Variants in BIRC5 observed in about 807,000 individuals in gnomAD.
The protein encoded by BIRC5 is baculoviral IAP repeat containing 5, also known as baculoviral IAP repeat-containing protein 5.
A neutral mutation model predicts 15.8 loss-of-function variants in BIRC5; 8 were observed. That is an observed-to-expected ratio of 0.51 (90% CI 0.30 to 0.91). BIRC5 has a LOEUF of 0.91. Among genes scored for constraint, BIRC5 ranks in the 40% least tolerant of loss-of-function variants. The probability of loss-of-function intolerance (pLI) is 0.07; values close to 1 mark genes in which losing one functional copy is unlikely to be tolerated. For missense variants in BIRC5, 163 were observed against 178.6 expected (o/e 0.91, Z 0.50); for synonymous variants, 56 against 64.5 (o/e 0.87, Z 0.63).
chr17:78,218,799 G>C (rs1207487997), intron 3 of BIRC5, among the ~76,000 whole-genome samples: 3 of 151,944 alleles, frequency 2.0e-5, no homozygotes, highest in Non-Finnish European at 2.9e-5. Flanking sequence ...TAGAGACAAG[G>C]TTTCATCATG....
intron 3 of BIRC5, among the ~76,000 whole-genome samples, chr17:78,217,876 C>T (rs1037665409): frequency 1.3e-5 from 2 of 151,934 alleles, no homozygotes; most frequent in African/African-American, 4.8e-5. Context: ...ACTGCAGCCT[C>T]GAACTCCTGA....
rs541575224 is a variant in BIRC5, at chr17:78,215,385, C to A, written c.221+596C>A. 2.4e-3 allele frequency among the ~76,000 whole-genome samples: 367 copies of A among 151,986 alleles called. 3 individuals are homozygous for A. The highest frequency in any genetic ancestry group is 8.4e-3 in the African/African-American group (348 of 41,444). On this transcript the variant is annotated intron_variant, in intron 2 of 3. Transcript: ENST00000350051. Reference sequence around the variant, plus strand: ...TGAGCCGAGATTGTGCCAATGCACTCCAGCCTCGGCGACAGAGCGAGACTC... The same window carrying A: ...TGAGCCGAGATTGTGCCAATGCACTACAGCCTCGGCGACAGAGCGAGACTC...
At chr17:78,215,349 G>A (rs552704526) in intron 2 of BIRC5, among the ~76,000 whole-genome samples, 2 of 152,120 alleles carry the variant, frequency 1.3e-5, no homozygotes, top group Non-Finnish European at 2.9e-5. Context: ...CCTGGGAGGC[G>A]GAGGTTGCAG....
rs970344304 is a variant in BIRC5 at position 78,224,866 on chromosome 17, G to A, written c.*1312G>A. On this transcript the variant is annotated 3_prime_UTR_variant, in exon 4 of 4. Transcript: ENST00000350051. ...AGAGCCACGAACCCCAGACCTGTTT[G>A]TATCATCCGGGCTCCTTCCGGGCAG... is the stretch of plus-strand genomic sequence containing the variant. The A allele has an allele frequency of 2.6e-5, 4 of 152,178 alleles. No individual in the cohort carries two copies. Among genetic ancestry groups the A allele is most frequent in the African/African-American group, 9.7e-5 (4 of 41,438 alleles). The allele number at this position is 152,178 out of a possible 1,614,324, so 9.4% of individuals were successfully genotyped here.
At position 78,216,598 on chromosome 17, in the gene BIRC5, C is replaced by CGT. The variant is rs2076479685; in HGVS notation, c.222-64_222-63dup. ...CTGTGGAGGGCGTGGGGAGGTGGCC[C>CGT]GTGGGGAGTGGACTGCCGCTTTAAT... On this transcript the variant is annotated intron_variant, in intron 2 of 3. Coordinates refer to ENST00000350051, the MANE Select transcript of BIRC5 (RefSeq NM_001168.3). 1.7e-5 allele frequency: 24 copies of CGT among 1,409,112 alleles called. No individual in the cohort carries two copies. The South Asian group carries it at 2.2e-4, about 13-fold the overall frequency. 87.3% of individuals were successfully genotyped at this position (1,409,112 alleles called of 1,614,324 possible).
intron 2 of BIRC5, among the ~76,000 whole-genome samples, chr17:78,215,427 A>C (rs2076471026): frequency 6.6e-6 from 1 of 152,114 alleles, no homozygotes; most frequent in Non-Finnish European, 1.5e-5. Flanking sequence ...AAAAATAAAA[A>C]ATTGAAAAAA....
intron 3 of BIRC5, among the ~76,000 whole-genome samples, chr17:78,218,954 A>G (rs1435854477): frequency 6.6e-6 from 1 of 152,092 alleles, no homozygotes; most frequent in Non-Finnish European, 1.5e-5. Flanking sequence ...CCCACACAGA[A>G]TAAGTACTGG....
At chr17:78,214,980 G>A (rs2076467361) in intron 2 of BIRC5, 191 bp downstream of exon 2, 1 of 565,052 alleles carries the variant, frequency 1.8e-6, no homozygotes, top group African/African-American at 1.9e-5. Context: ...AATCTCATTT[G>A]ACCAAAATGC....
intron 3 of BIRC5, among the ~76,000 whole-genome samples, chr17:78,221,421 T>A (rs17884932): frequency 0.077 from 11,639 of 151,598 alleles, 640 homozygotes; most frequent in Middle Eastern, 0.2. Context: ...TGGCTAATTT[T>A]AAATTTTTTT....
At chr17:78,214,449 G>A in intron 1 of BIRC5, 22 bp downstream of exon 1, 1 of 1,523,884 alleles carries the variant, frequency 6.6e-7, no homozygotes, top group East Asian at 2.3e-5. Flanking sequence ...CGGCCTCCTG[G>A]GGTCCCCCAC....
chr17:78,214,385 G>T lies in BIRC5; in HGVS notation c.69G>T (p.Lys23Asn), dbSNP rs1278560030. ...AGGACCACCGCATCTCTACATTCAA[G>T]AACTGGCCCTTCTTGGAGGGCTGCG... ...FLKDHRISTF[K>N]NWPFLEGCAC... Residue 23 changes from lysine (K) to asparagine (N), a missense_variant, in exon 1 of 4, where the codon AAG becomes AAT. Physicochemically the swap from Lys to Asn is moderately conservative, Grantham distance 94 (BLOSUM62 0). Coordinates refer to ENST00000350051, the MANE Select transcript of BIRC5 (RefSeq NM_001168.3). 6.2e-7 allele frequency: 1 copy of T among 1,602,840 alleles called. No homozygotes were observed. The highest frequency in any genetic ancestry group is 2.3e-5 in the East Asian group (1 of 43,644).
Position 78,214,392 on chromosome 17 carries a change from C to T in BIRC5, c.76C>T (p.Pro26Ser), listed in dbSNP as rs267605071. ...CCGCATCTCTACATTCAAGAACTGG[C>T]CCTTCTTGGAGGGCTGCGCCTGCAC... Reference protein sequence around the residue: ...DHRISTFKNWPFLEGCACTPE... With the variant: ...DHRISTFKNWSFLEGCACTPE... Residue 26 changes from proline (P) to serine (S), a missense_variant, in exon 1 of 4, where the codon CCC becomes TCC. By Grantham distance (74) the Pro-to-Ser change is moderately conservative. Transcript: ENST00000350051. The T allele has an allele frequency of 6.2e-7, 1 of 1,600,092 alleles. No homozygotes were observed. Among genetic ancestry groups the T allele is most frequent in the Non-Finnish European group, 8.5e-7 (1 of 1,173,098 alleles).
At chr17:78,214,812 C>G in intron 2 of BIRC5, 23 bp downstream of exon 2, 1 of 1,588,628 alleles carries the variant, frequency 6.3e-7, no homozygotes, top group Non-Finnish European at 8.6e-7. Flanking sequence ...TGGCCAGCCT[C>G]GATGGGCTTT....
At position 78,215,412 on chromosome 17, in the gene BIRC5, G is replaced by A. The variant is rs530258464; in HGVS notation, c.221+623G>A. ...AGCCTCGGCGACAGAGCGAGACTCC[G>A]TCATAAAAATAAAAAATTGAAAAAA... On this transcript the variant is annotated intron_variant, in intron 2 of 3. Transcript: ENST00000350051. 1.5e-4 allele frequency among the ~76,000 whole-genome samples: 22 copies of A among 150,788 alleles called. No homozygotes were observed. In the South Asian group the frequency reaches 2.3e-3, roughly 16 times the overall value.
chr17:78,214,818 G>T (rs1311179260), intron 2 of BIRC5, 29 bp downstream of exon 2: 1 of 1,576,418 alleles, frequency 6.3e-7, no homozygotes, highest in Admixed American at 1.8e-5. Context: ...GCCTCGATGG[G>T]CTTTGTTTTG....
At position 78,225,542 on chromosome 17, in the gene BIRC5, A is replaced by C. The variant is rs1289147660; in HGVS notation, c.*1988A>C. The C allele has an allele frequency of 6.6e-6, 1 of 152,254 alleles. No homozygotes were observed. Among genetic ancestry groups the C allele is most frequent in the Non-Finnish European group, 1.5e-5 (1 of 68,048 alleles). The allele number at this position is 152,254 out of a possible 1,614,324, so 9.4% of individuals were successfully genotyped here. A position where few individuals can be genotyped will look rare whatever the true frequency, so the allele number is the denominator to read the frequency against. Reference sequence around the variant, plus strand: ...CAGCAGTGCCCGCTGCCCAGAAGAGACCAGCAAGCCAAACTGGAGCCCCCA... The same window carrying C: ...CAGCAGTGCCCGCTGCCCAGAAGAGCCCAGCAAGCCAAACTGGAGCCCCCA... On this transcript the variant is annotated 3_prime_UTR_variant, in exon 4 of 4. Transcript: ENST00000350051.
intron 2 of BIRC5, 120 bp from the exon 3 acceptor site, chr17:78,216,544 T>A (rs557101339): frequency 2.5e-6 from 2 of 788,580 alleles, no homozygotes; most frequent in East Asian, 2.5e-5. Flanking sequence ...AGACTTGACG[T>A]CTTACTCCTG....
rs191543265 is a variant in BIRC5, at chr17:78,219,443, C to T, written c.339+2662C>T. The stretch of plus-strand genomic sequence containing the variant: ...CAAGTGATCTGCCCGCCTTGGCATC[C>T]CAAAGTGCTGGGATTACAGGTGTGA... On this transcript the variant is annotated intron_variant, in intron 3 of 3. Transcript: ENST00000350051. 1.2e-4 allele frequency among the ~76,000 whole-genome samples: 19 copies of T among 152,292 alleles called. No individual in the cohort carries two copies. The East Asian group carries it at 3.7e-3, about 29-fold the overall frequency.
rs1042489 is a variant in BIRC5, at chr17:78,224,125, T to C, written c.*571T>C. On this transcript the variant is annotated 3_prime_UTR_variant, in exon 4 of 4. Coordinates refer to ENST00000350051, the MANE Select transcript of BIRC5 (RefSeq NM_001168.3). ...GATGAGAGAATGGAGACAGAGTCCC[T>C]GGCTCCTCTACTGTTTAACAACATG... 0.39 allele frequency: 59,304 copies of C among 150,266 alleles called. 11,847 individuals are homozygous for C. The highest frequency in any genetic ancestry group is 0.48 in the Middle Eastern group (140 of 292). The allele number at this position is 150,266 out of a possible 1,614,324, so 9.3% of individuals were successfully genotyped here. A position where few individuals can be genotyped will look rare whatever the true frequency, so the allele number is the denominator to read the frequency against.
Sources: allele counts gnomAD v4.1 joint callset (sites outside exome capture counted in the v4.1 genomes callset), GRCh38; gene constraint gnomAD v4.1.1; transcripts MANE v1.5; gene names NCBI Gene and HGNC (gene_info 2026-07-23, HGNC 2026-07-21).